The following DAAM1 variants were observed in gnomAD, a reference collection of about 807,000 sequenced individuals.
The protein encoded by DAAM1 is disheveled-associated activator of morphogenesis 1.
Under a neutral mutation model 130.0 loss-of-function variants are expected in DAAM1, and 52 were observed. The observed-to-expected ratio is 0.40, with a 90% CI of 0.32 to 0.50. DAAM1 has a LOEUF of 0.50. Ranked by LOEUF, DAAM1 falls within the 20% of genes least tolerant of loss-of-function variation. DAAM1 has a pLI of 0.61. For missense variants in DAAM1, 1,134 were observed against 1,303.8 expected (o/e 0.87, Z 2.01); for synonymous variants, 452 against 444.5 (o/e 1.02, Z -0.21).
Position 59,320,596 on chromosome 14 carries a change from C to G in DAAM1, c.440+12C>G. On this transcript the variant is annotated intron_variant, in intron 5 of 24. Transcript: ENST00000360909. ...ACAAAACCAATGAGGTAATTTTCCC[C>G]TGGATGGCATGTTTTTTTTTTTTCT... 6.6e-7 allele frequency: 1 copy of G among 1,523,056 alleles called. No individual in the cohort carries two copies. Among genetic ancestry groups the G allele is most frequent in the Non-Finnish European group, 8.7e-7 (1 of 1,143,616 alleles). The allele number at this position is 1,523,056 out of a possible 1,614,324, so 94.3% of individuals were successfully genotyped here.
intron 2 of DAAM1, among the ~76,000 whole-genome samples, chr14:59,271,520 T>A (rs1882705500): frequency 1.3e-5 from 2 of 152,182 alleles, no homozygotes; most frequent in Admixed American, 6.5e-5. Flanking sequence ...TATATCAGAT[T>A]TAGATAAATT....
chr14:59,344,122 G>A (rs17096131), intron 16 of DAAM1, among the ~76,000 whole-genome samples: 18,268 of 152,158 alleles, frequency 0.12, 2,047 homozygotes, highest in African/African-American at 0.3. Flanking sequence ...CTGAAACACA[G>A]TTTTATGAAG....
intron 12 of DAAM1, among the ~76,000 whole-genome samples, chr14:59,328,594 G>C (rs927988181): frequency 2.0e-5 from 3 of 152,226 alleles, no homozygotes; most frequent in Admixed American, 1.3e-4. Context: ...GATGGGCTAA[G>C]TGATTTCCTC....
chr14:59,361,164 TTCAGGGACGCTC>T (rs1348032126), intron 22 of DAAM1, among the ~76,000 whole-genome samples: 4 of 152,178 alleles, frequency 2.6e-5, no homozygotes, highest in African/African-American at 9.7e-5. Flanking sequence ...CTAGATGATC[TTCAGGGACGCTC>T]TCAGTTTCCA....
intron 1 of DAAM1, among the ~76,000 whole-genome samples, chr14:59,230,150 C>T (rs1445184981): frequency 6.6e-6 from 1 of 152,150 alleles, no homozygotes; most frequent in South Asian, 2.1e-4. Context: ...CTGGGTGTGC[C>T]TCTTACCACT....
chr14:59,269,297 C>T lies in DAAM1; in HGVS notation c.183+5637C>T, dbSNP rs377332455. On this transcript the variant is annotated intron_variant, in intron 2 of 24. Coordinates refer to ENST00000360909, the MANE Select transcript of DAAM1 (RefSeq NM_001270520.2). ...GAGGGAGTTTCACTGGAATCACATT[C>T]CCGGCCTCTCTTCCAGCTCCTTACT... Among the ~76,000 whole-genome samples the T allele has an allele frequency of 1.5e-4, 23 of 152,312 alleles. 1 individual carries two copies. Among genetic ancestry groups the T allele is most frequent in the Admixed American group, 8.5e-4 (13 of 15,302 alleles).
intron 1 of DAAM1, among the ~76,000 whole-genome samples, chr14:59,198,207 C>CTTTT (rs751141772): frequency 7.5e-6 from 1 of 133,422 alleles, no homozygotes; most frequent in Non-Finnish European, 1.6e-5. Context: ...TCTTTTCTTT[C>CTTTT]TTTTTTTTTT....
Position 59,325,618 on chromosome 14 carries a change from T to C in DAAM1, c.990-46T>C, listed in dbSNP as rs766705703. 4.6e-6 allele frequency: 7 copies of C among 1,535,834 alleles called. No individual in the cohort carries two copies. In the Admixed American group the frequency reaches 5.0e-5, roughly 11 times the overall value. ...ATGTCCTCAGTCTTATGCACCTGTG[T>C]TTATAGGATGTTCTACTTAATAACT... On this transcript the variant is annotated intron_variant, in intron 8 of 24. Transcript: ENST00000360909.
At chr14:59,343,685 G>A (rs1290780576) in intron 16 of DAAM1, among the ~76,000 whole-genome samples, 1 of 152,158 alleles carries the variant, frequency 6.6e-6, no homozygotes, top group African/African-American at 2.4e-5. Flanking sequence ...TGGACCTTTT[G>A]GTCAGGGGCA....
intron 4 of DAAM1, 49 bp downstream of exon 4, chr14:59,315,400 A>G: frequency 6.5e-7 from 1 of 1,527,154 alleles, no homozygotes; most frequent in Non-Finnish European, 9.0e-7. Context: ...ATGCAAGTGT[A>G]GTACAAAGTA....
chr14:59,231,166 T>G (rs1280948605), intron 1 of DAAM1, among the ~76,000 whole-genome samples: 1 of 152,222 alleles, frequency 6.6e-6, no homozygotes, highest in Non-Finnish European at 1.5e-5. Flanking sequence ...CACAGCATAT[T>G]ATTTTCCCAC....
At chr14:59,196,609 G>A (rs894643496) in intron 1 of DAAM1, among the ~76,000 whole-genome samples, 3 of 152,212 alleles carry the variant, frequency 2.0e-5, no homozygotes, top group Non-Finnish European at 2.9e-5. Context: ...CGGGCGTGGT[G>A]GCGGGCGCCT....
chr14:59,235,471 T>G (rs1479664508), intron 1 of DAAM1, among the ~76,000 whole-genome samples: 1 of 152,218 alleles, frequency 6.6e-6, no homozygotes, highest in African/African-American at 2.4e-5. Flanking sequence ...TTTGTATTTC[T>G]GTGGGATCAG....
At chr14:59,264,742 A>C (rs1340331357) in intron 2 of DAAM1, 1 of 151,858 alleles carries the variant, frequency 6.6e-6, no homozygotes, top group Non-Finnish European at 1.5e-5. Context: ...TTTGCTGCAC[A>C]GGTCATCCAT....
At chr14:59,288,009 C>A (rs138351641) in intron 2 of DAAM1, among the ~76,000 whole-genome samples, 119 of 152,128 alleles carry the variant, frequency 7.8e-4, no homozygotes, top group African/African-American at 2.7e-3. Flanking sequence ...TCACACCAAC[C>A]AACTTCAAAC....
intron 2 of DAAM1, among the ~76,000 whole-genome samples, chr14:59,286,853 G>A (rs551247897): frequency 1.3e-5 from 2 of 152,104 alleles, no homozygotes; most frequent in Admixed American, 6.6e-5. Flanking sequence ...AATTCTACCA[G>A]ATATATGAAG....
chr14:59,359,520 G>T lies in DAAM1; in HGVS notation c.2633+16G>T, dbSNP rs373840663. ...CGAAAGTAAAGTAAGTACTTACAGT[G>T]AGTGTTAGTTTCTTAAATCACTTGG... On this transcript the variant is annotated intron_variant, in intron 21 of 24. Coordinates refer to ENST00000360909, the MANE Select transcript of DAAM1 (RefSeq NM_001270520.2). 6.3e-7 allele frequency: 1 copy of T among 1,584,966 alleles called. No individual in the cohort carries two copies. Among genetic ancestry groups the T allele is most frequent in the Non-Finnish European group, 8.7e-7 (1 of 1,154,138 alleles).
chr14:59,330,125 T>C (rs1885367097), intron 12 of DAAM1, among the ~76,000 whole-genome samples: 1 of 152,208 alleles, frequency 6.6e-6, no homozygotes, highest in East Asian at 1.9e-4. Context: ...AAAGAGGCCA[T>C]TTGAATATTT....
chr14:59,331,114 A>G (rs1265907824), intron 13 of DAAM1, 95 bp from the exon 14 acceptor site: 2 of 1,532,272 alleles, frequency 1.3e-6, no homozygotes, highest in Non-Finnish European at 1.8e-6. Context: ...GAATTTCTCT[A>G]TAATAAACAT....
Sources: gnomAD v4.1 joint callset for allele counts (sites outside exome capture counted in the v4.1 genomes callset) on GRCh38, gnomAD v4.1.1 for gene constraint, MANE v1.5 for transcripts, NCBI Gene and HGNC (gene_info 2026-07-23, HGNC 2026-07-21) for gene names.